PSMD3: variants seen among roughly 807,000 people sequenced by gnomAD.
PSMD3 encodes the protein 26S proteasome non-ATPase regulatory subunit 3.
In PSMD3, 5 loss-of-function variants were observed where a neutral mutation model predicts 62.8. The ratio of observed to expected loss-of-function variants is 0.08; its 90% CI spans 0.04 to 0.17. The LOEUF is 0.17. Ranked by LOEUF, PSMD3 falls within the 10% of genes least tolerant of loss-of-function variation. The pLI is 1.00. For missense variants in PSMD3, 524 were observed against 713.6 expected, an observed-to-expected ratio of 0.73 and a Z score of 3.03; for synonymous variants, 265 against 283.9, an observed-to-expected ratio of 0.93 and a Z score of 0.67.
intron 10 of PSMD3, 41 bp from the exon 11 acceptor site, chr17:39,997,289 C>G: frequency 8.7e-6 from 14 of 1,602,258 alleles, no homozygotes; most frequent in African/African-American, 1.3e-5. Flanking sequence ...GCCTCACCTG[C>G]TTCCTTCCCT....
At chr17:39,992,379 C>G (rs1432786999) in intron 6 of PSMD3, among the ~76,000 whole-genome samples, 1 of 152,122 alleles carries the variant, frequency 6.6e-6, no homozygotes, top group Non-Finnish European at 1.5e-5. Context: ...CCTCTGCCCT[C>G]ACACACCTTT....
At chr17:39,985,238 C>CA (rs1336419665) in intron 2 of PSMD3, among the ~76,000 whole-genome samples, 32 of 151,802 alleles carry the variant, frequency 2.1e-4, no homozygotes, top group Admixed American at 7.9e-4. Flanking sequence ...CAAAACAAAA[C>CA]AAAAAAAACC....
chr17:39,990,787 T>C (rs1316841895), intron 6 of PSMD3, among the ~76,000 whole-genome samples: 1 of 152,204 alleles, frequency 6.6e-6, no homozygotes, highest in African/African-American at 2.4e-5. Context: ...TAGTCCTTCA[T>C]GTTCACATTT....
chr17:39,981,135 G>A lies in PSMD3; in HGVS notation c.165G>A (p.Thr55=), dbSNP rs376867323. 484 of 1,547,546 alleles carry A rather than the reference G, an allele frequency of 3.1e-4. 2 individuals are homozygous for A. In the African/African-American group the frequency reaches 5.9e-3, roughly 19 times the overall value. Residue 55 remains threonine (T), a synonymous_variant, in exon 1 of 12, where the codon ACG becomes ACA. Coordinates refer to ENST00000264639, the MANE Select transcript of PSMD3 (RefSeq NM_002809.4). ...CGACGGGGGAGGCAGACGGCAAGAC[G>A]GCGGCGGCAGCGGCTGAGCACTCCC... ...GGSTGEADGK[T]AAAAAEHSQR...
At chr17:39,992,120 CA>C (rs141261352) in intron 6 of PSMD3, among the ~76,000 whole-genome samples, 5,239 of 152,012 alleles carry the variant, frequency 0.034, 125 homozygotes, top group Non-Finnish European at 0.052. Context: ...GGTGCGTGAG[CA>C]AAATGTTAGA....
Position 39,995,135 on chromosome 17 carries a change from G to T in PSMD3, c.1097-41G>T. The T allele has an allele frequency of 6.2e-7, 1 of 1,614,044 alleles. No homozygotes were observed. The highest frequency in any genetic ancestry group is 8.5e-7 in the Non-Finnish European group (1 of 1,180,006). On this transcript the variant is annotated intron_variant, in intron 7 of 11. Transcript: ENST00000264639. This position sits in a 1 kb window ranked among gnomAD's most constrained non-coding sequence, Gnocchi z 4.1. ...TCAGTGGGGCCTCTTACATGCCTGTGCCTATTTGCATCATCCAATCTACTC... is the reference window on the plus strand; with the variant it reads ...TCAGTGGGGCCTCTTACATGCCTGTTCCTATTTGCATCATCCAATCTACTC...
At chr17:39,981,317 C>T in intron 1 of PSMD3, 127 bp downstream of exon 1, 8 of 1,427,276 alleles carry the variant, frequency 5.6e-6, no homozygotes, top group Non-Finnish European at 9.3e-7. Context: ...CCCCAGATAC[C>T]TGCTCCCACT....
chr17:39,995,695 GC>G lies in PSMD3; in HGVS notation c.1320+169del. On this transcript the variant is annotated intron_variant, in intron 9 of 11. Transcript: ENST00000264639. The surrounding 1 kb of genome is among the most constrained non-coding windows in gnomAD (Gnocchi z 4.1). Reference sequence around the variant, plus strand: ...TGAAGCCAAGAAGTTGCCAGAGAGAGCATGGATGTGCATGTGAGTGTGTGAG... The same window carrying G: ...TGAAGCCAAGAAGTTGCCAGAGAGAGATGGATGTGCATGTGAGTGTGTGAG... 2 of 669,638 alleles carry G rather than the reference GC, an allele frequency of 3.0e-6. No homozygotes were observed. The highest frequency in any genetic ancestry group is 3.5e-5 in the South Asian group (2 of 56,828). 41.5% of individuals were successfully genotyped at this position (669,638 alleles called of 1,614,324 possible). A position where few individuals can be genotyped will look rare whatever the true frequency, so the allele number is the denominator to read the frequency against.
At chr17:39,984,244 G>GGGGGACTA (rs771583753) in intron 1 of PSMD3, 50 bp from the exon 2 acceptor site, 4 of 1,317,942 alleles carry the variant, frequency 3.0e-6, no homozygotes, top group Non-Finnish European at 4.2e-6. Flanking sequence ...CTGGAGTGGT[G>GGGGGACTA]GGGGACTAGG....
chr17:39,989,639 TTG>T, intron 4 of PSMD3, 98 bp from the exon 5 acceptor site: 1 of 1,186,160 alleles, frequency 8.4e-7, no homozygotes, highest in Non-Finnish European at 1.2e-6. Flanking sequence ...GAAAAGCAAT[TTG>T]TATAACTTTT....
intron 6 of PSMD3, chr17:39,993,828 T>C (rs182003849): frequency 1.3e-3 from 192 of 152,240 alleles, no homozygotes; most frequent in African/African-American, 4.4e-3. Context: ...GGTATTGTTA[T>C]TGTTATTTGG....
chr17:39,989,996 G>C (rs1405244473), intron 5 of PSMD3, 67 bp downstream of exon 5: 28 of 1,577,352 alleles, frequency 1.8e-5, no homozygotes, highest in Non-Finnish European at 2.3e-5. Context: ...AATTTTCCAA[G>C]GGGTGGTGCA....
intron 2 of PSMD3, 122 bp from the exon 3 acceptor site, chr17:39,986,453 A>C: frequency 8.0e-7 from 1 of 1,247,038 alleles, no homozygotes; most frequent in Non-Finnish European, 1.1e-6. Flanking sequence ...CTAGCACCTA[A>C]CAAAATCTTG....
chr17:39,995,382 C>T lies in PSMD3; in HGVS notation c.1217-42C>T, dbSNP rs770571878. ...GGGTATCCTTGGGCAAGTGAAGGGT[C>T]TGTGTCCACTCTGCCCACCCCATCG... On this transcript the variant is annotated intron_variant, in intron 8 of 11. Transcript: ENST00000264639. The surrounding 1 kb of genome is among the most constrained non-coding windows in gnomAD (Gnocchi z 4.1). 6.2e-7 allele frequency: 1 copy of T among 1,612,396 alleles called. No homozygotes were observed. The highest frequency in any genetic ancestry group is 8.5e-7 in the Non-Finnish European group (1 of 1,178,464).
chr17:39,980,818 C>T lies in PSMD3; in HGVS notation c.-153C>T, dbSNP rs558862160. The T allele has an allele frequency of 5.4e-5, 37 of 686,882 alleles. No homozygotes were observed. The South Asian group carries it at 7.5e-4, about 14-fold the overall frequency. 42.5% of individuals were successfully genotyped at this position (686,882 alleles called of 1,614,324 possible). Reference sequence around the variant, plus strand: ...GCCTGGCGTTTCCCAGAAGGCCCAGCGCCGGGAAGGGGTTTGCAGCTGCTC... The same window carrying T: ...GCCTGGCGTTTCCCAGAAGGCCCAGTGCCGGGAAGGGGTTTGCAGCTGCTC... On this transcript the variant is annotated 5_prime_UTR_variant, in exon 1 of 12. Transcript: ENST00000264639.
At chr17:39,991,086 C>G (rs1471421551) in intron 6 of PSMD3, among the ~76,000 whole-genome samples, 1 of 152,200 alleles carries the variant, frequency 6.6e-6, no homozygotes, top group Non-Finnish European at 1.5e-5. Context: ...TCAAGTGATT[C>G]TCCTGCCTCA....
At chr17:39,994,540 C>G (rs1379394433) in intron 6 of PSMD3, 2 of 237,866 alleles carry the variant, frequency 8.4e-6, no homozygotes, top group Non-Finnish European at 1.7e-5. Flanking sequence ...CTCCTCTCCT[C>G]TAGTAACAGT....
Position 39,996,232 on chromosome 17 carries a change from A to G in PSMD3, c.1370A>G (p.Tyr457Cys). 1.9e-6 allele frequency: 3 copies of G among 1,613,996 alleles called. No homozygotes were observed. The highest frequency in any genetic ancestry group is 1.1e-5 in the South Asian group (1 of 91,058). The change falls in exon 10 of 12, where the codon TAT (tyrosine) becomes TGT (cysteine). Residue 457 changes from tyrosine to cysteine, a missense_variant. By Grantham distance (194) the Tyr-to-Cys change is radical (BLOSUM62 -2). Around this residue, in one of 4 missense-constraint regions of PSMD3, gnomAD observed 76 missense variants for 97.3 expected, o/e 0.78. Transcript: ENST00000264639. The surrounding 1 kb of genome is among the most constrained non-coding windows in gnomAD (Gnocchi z 5.1). ...IEASINHEKG[Y>C]VQSKEMIDIY... is the part of the protein sequence containing the mutation. ...GCCAGCATCAACCACGAGAAGGGCT[A>G]TGTCCAATCCAAGGAGATGATTGAC... is the stretch of plus-strand genomic sequence containing the variant.
At position 39,995,494 on chromosome 17, in the gene PSMD3, T is replaced by A; in HGVS notation, c.1287T>A (p.Asp429Glu). The A allele has an allele frequency of 1.2e-6, 2 of 1,614,046 alleles. No individual in the cohort carries two copies. The highest frequency in any genetic ancestry group is 1.7e-6 in the Non-Finnish European group (2 of 1,179,934). Residue 429 changes from aspartate to glutamate, a missense_variant, in exon 9 of 12, where the codon GAT becomes GAA. Physicochemically the swap from Asp to Glu is conservative, Grantham distance 45 (BLOSUM62 2). Coordinates refer to ENST00000264639, the MANE Select transcript of PSMD3 (RefSeq NM_002809.4). This position sits in a 1 kb window ranked among gnomAD's most constrained non-coding sequence, Gnocchi z 4.1. ...ACATCGCCCAGAAGCTGCAGTTGGA[T>A]AGCCCCGAAGATGCAGAGTTCATTG... The part of the protein sequence containing the change: ...LADIAQKLQL[D>E]SPEDAEFIVA...
Sources: gnomAD v4.1 joint callset for allele counts (sites outside exome capture counted in the v4.1 genomes callset) on GRCh38, gnomAD v4.1.1 for gene constraint, gnomAD v4.1.1 regional missense constraint, Gnocchi (gnomAD v3.1) non-coding constraint, MANE v1.5 for transcripts, NCBI Gene and HGNC (gene_info 2026-07-23, HGNC 2026-07-21) for gene names.